Variants in BTRC observed in about 807,000 individuals in gnomAD.
The protein encoded by BTRC is beta-transducin repeat containing E3 ubiquitin protein ligase.
A neutral mutation model predicts 85.5 loss-of-function variants in BTRC; 42 were observed. The observed-to-expected ratio is 0.49, with a 90% CI of 0.38 to 0.64. The LOEUF (loss-of-function observed/expected upper bound fraction) is 0.64, where lower values mean the gene tolerates loss of function less well. Ranked by LOEUF, BTRC falls within the 30% of genes least tolerant of loss-of-function variation. BTRC has a pLI of 0.00. For synonymous variants in BTRC, 255 were observed against 263.3 expected, an observed-to-expected ratio of 0.97 and a Z score of 0.30; for missense variants, 594 against 743.5, an observed-to-expected ratio of 0.80 and a Z score of 2.34.
chr10:101,366,411 T>C (rs552641842), intron 1 of BTRC, among the ~76,000 whole-genome samples: 2 of 152,122 alleles, frequency 1.3e-5, no homozygotes, highest in African/African-American at 4.8e-5. Context: ...AAATATCTCT[T>C]AAGGCGCACT....
intron 1 of BTRC, among the ~76,000 whole-genome samples, chr10:101,406,905 T>C (rs559377925): frequency 6.6e-6 from 1 of 152,334 alleles, no homozygotes; most frequent in African/African-American, 2.4e-5. Context: ...TGGTATACAT[T>C]AATAGATAAT....
chr10:101,532,429 C>G lies in BTRC; in HGVS notation c.975C>G (p.Ile325Met). ...TAAGCGGCCTTCGAGACAACACAAT[C>G]AAGGTGAGGTCTATTCAGTTGTAGA... is the stretch of plus-strand genomic sequence containing the variant. The part of the protein sequence containing the change: ...KIVSGLRDNT[I>M]KIWDKNTLEC... Residue 325 changes from isoleucine to methionine, a missense_variant, in exon 8 of 15, where the codon ATC becomes ATG. Physicochemically the swap from Ile to Met is conservative, Grantham distance 10. This residue lies in a region of BTRC where 373 missense variants were observed against 503.6 expected (regional missense o/e 0.74). Coordinates refer to ENST00000370187, the MANE Select transcript of BTRC (RefSeq NM_033637.4). The G allele has an allele frequency of 6.2e-7, 1 of 1,608,792 alleles. No individual in the cohort carries two copies. The highest frequency in any genetic ancestry group is 2.2e-5 in the East Asian group (1 of 44,738).
chr10:101,484,521 G>A (rs1945931274), intron 4 of BTRC, among the ~76,000 whole-genome samples: 1 of 152,188 alleles, frequency 6.6e-6, no homozygotes, highest in Non-Finnish European at 1.5e-5. Flanking sequence ...GCAGACGTTT[G>A]CACTTCCTCT....
At chr10:101,469,475 ATTC>A (rs5787433) in intron 3 of BTRC, among the ~76,000 whole-genome samples, 1,550 of 152,308 alleles carry the variant, frequency 0.01, 16 homozygotes, top group Non-Finnish European at 0.017. Context: ...TTACATATTC[ATTC>A]ATGAAGGGAA....
chr10:101,379,671 T>C (rs2133956935), intron 1 of BTRC, among the ~76,000 whole-genome samples: 1 of 152,288 alleles, frequency 6.6e-6, no homozygotes, highest in South Asian at 2.1e-4. Context: ...TTGTTTAAAG[T>C]GGCACTCGTT....
intron 13 of BTRC, among the ~76,000 whole-genome samples, chr10:101,545,020 T>G (rs1237041950): frequency 6.6e-6 from 1 of 150,562 alleles, no homozygotes; most frequent in African/African-American, 2.4e-5. Context: ...GCCACTGCAC[T>G]CCAGCTTGGG....
intron 1 of BTRC, among the ~76,000 whole-genome samples, chr10:101,422,402 T>G (rs1944127369): frequency 6.6e-6 from 1 of 152,204 alleles, no homozygotes; most frequent in South Asian, 2.1e-4. Flanking sequence ...TTGCAAAAAT[T>G]TTCTTCCATT....
At chr10:101,496,438 C>A (rs1353557324) in intron 4 of BTRC, among the ~76,000 whole-genome samples, 1 of 152,128 alleles carries the variant, frequency 6.6e-6, no homozygotes, top group African/African-American at 2.4e-5. Context: ...ATTTTAGAGG[C>A]ATGGCTTCAC....
Position 101,525,903 on chromosome 10 carries a change from G to C in BTRC, c.557-110G>C. 1.5e-5 allele frequency: 16 copies of C among 1,050,494 alleles called. No individual in the cohort carries two copies. In the South Asian group the frequency reaches 2.6e-4, roughly 17 times the overall value. The allele number at this position is 1,050,494 out of a possible 1,614,324, so 65.1% of individuals were successfully genotyped here. On this transcript the variant is annotated intron_variant, in intron 5 of 14. Coordinates refer to ENST00000370187, the MANE Select transcript of BTRC (RefSeq NM_033637.4). ...GAAACTGGACCACACTAGGGACAAT[G>C]ATGTGCCTTCATAGCAGAACAAATG... is the stretch of plus-strand genomic sequence containing the variant.
intron 1 of BTRC, among the ~76,000 whole-genome samples, chr10:101,404,357 T>G (rs1048263989): frequency 1.3e-5 from 2 of 152,130 alleles, no homozygotes; most frequent in African/African-American, 4.8e-5. Context: ...AGTCTTTGCC[T>G]TTAAAGTTAA....
chr10:101,543,324 A>T (rs1400848274), intron 13 of BTRC, among the ~76,000 whole-genome samples: 1 of 152,206 alleles, frequency 6.6e-6, no homozygotes, highest in Non-Finnish European at 1.5e-5. Context: ...CTTTGATATT[A>T]TATGTAAACA....
intron 3 of BTRC, among the ~76,000 whole-genome samples, chr10:101,471,678 T>C (rs1432702448): frequency 6.6e-6 from 1 of 152,208 alleles, no homozygotes; most frequent in Admixed American, 6.5e-5. Context: ...CCTTCAGATT[T>C]CATAGAATTC....
At chr10:101,552,482 C>T (rs1366665540) in intron 14 of BTRC, among the ~76,000 whole-genome samples, 1 of 151,976 alleles carries the variant, frequency 6.6e-6, no homozygotes, top group Non-Finnish European at 1.5e-5. Context: ...GTGTGAGCCA[C>T]CGCACCCGGC....
intron 12 of BTRC, among the ~76,000 whole-genome samples, chr10:101,537,535 G>GA (rs962419413): frequency 1.0e-4 from 15 of 150,748 alleles, no homozygotes; most frequent in East Asian, 3.9e-4. Context: ...CTCAAAAAAA[G>GA]AAAAAAAAAT....
chr10:101,444,656 G>A (rs975612391), intron 2 of BTRC, among the ~76,000 whole-genome samples: 9 of 152,120 alleles, frequency 5.9e-5, no homozygotes, highest in African/African-American at 1.7e-4. Flanking sequence ...CAGCTGCAGA[G>A]AATAAACCTC....
At chr10:101,377,883 T>C (rs1269769459) in intron 1 of BTRC, among the ~76,000 whole-genome samples, 1 of 152,174 alleles carries the variant, frequency 6.6e-6, no homozygotes, top group Non-Finnish European at 1.5e-5. Flanking sequence ...CATTTTTTTT[T>C]TTTCTGGTGA....
intron 1 of BTRC, among the ~76,000 whole-genome samples, chr10:101,391,366 C>T (rs971180524): frequency 1.3e-5 from 2 of 152,092 alleles, no homozygotes; most frequent in Non-Finnish European, 2.9e-5. Flanking sequence ...TCTAATTTAC[C>T]AGCAAATGGA....
intron 14 of BTRC, among the ~76,000 whole-genome samples, 164 bp from the exon 15 acceptor site, chr10:101,552,986 CCAGGT>C (rs1200265573): frequency 6.6e-6 from 1 of 152,168 alleles, no homozygotes; most frequent in African/African-American, 2.4e-5. Context: ...CCCCATCAGG[CCAGGT>C]CACCTTTGAC....
intron 2 of BTRC, among the ~76,000 whole-genome samples, chr10:101,434,759 A>G (rs749112747): frequency 2.0e-5 from 3 of 151,492 alleles, no homozygotes; most frequent in Admixed American, 6.6e-5. Context: ...ACCACTGCTT[A>G]AGAACAGCCT....
Sources: gnomAD v4.1 joint callset for allele counts (sites outside exome capture counted in the v4.1 genomes callset) on GRCh38, gnomAD v4.1.1 for gene constraint, gnomAD v4.1.1 regional missense constraint, MANE v1.5 for transcripts, NCBI Gene and HGNC (gene_info 2026-07-23, HGNC 2026-07-21) for gene names.